KLF16: variants seen among roughly 807,000 people sequenced by gnomAD.
KLF16 encodes Krueppel-like factor 16.
A neutral mutation model predicts 6.1 loss-of-function variants in KLF16; 6 were observed. That is an observed-to-expected ratio of 0.98 (90% CI 0.54 to 1.93). The LOEUF is 1.93. KLF16 is among the 30% of genes most tolerant of loss of function. KLF16 has a pLI of 0.01. For missense variants in KLF16, 355 were observed against 363.8 expected (o/e 0.98, Z 0.20); for synonymous variants, 211 against 176.5 (o/e 1.20, Z -1.55).
upstream of KLF16, among the ~76,000 whole-genome samples, chr19:1,864,982 C>T (rs938690690): frequency 2.6e-5 from 4 of 152,350 alleles, no homozygotes; most frequent in East Asian, 3.9e-4. Flanking sequence ...GAGGCCCTGA[C>T]CCGATTCGGG....
upstream of KLF16, among the ~76,000 whole-genome samples, chr19:1,863,861 A>C (rs1310694516): frequency 7.0e-6 from 1 of 142,230 alleles, no homozygotes; most frequent in Admixed American, 6.9e-5. Context: ...GCCAGCGCCT[A>C]GCGTCTTAGG....
At chr19:1,875,765 G>C in the KLF16 span, 3 of 152,596 alleles carry the variant, frequency 2.0e-5, no homozygotes, top group African/African-American at 7.2e-5. Context: ...AGGCTCTTCG[G>C]GAGGCATGAA....
At chr19:1,866,481 G>A (rs2012190222), upstream of KLF16, among the ~76,000 whole-genome samples, 2 of 152,060 alleles carry the variant, frequency 1.3e-5, no homozygotes, top group South Asian at 2.1e-4. Context: ...GGGCCTGGTG[G>A]CGCATGCCTG....
At chr19:1,866,561 C>A (rs567355326), upstream of KLF16, among the ~76,000 whole-genome samples, 1 of 152,044 alleles carries the variant, frequency 6.6e-6, no homozygotes, top group Non-Finnish European at 1.5e-5. Flanking sequence ...TTGCAGTGAG[C>A]CGAGATCGTG....
intron 1 of KLF16, among the ~76,000 whole-genome samples, chr19:1,862,294 G>A (rs1306044554): frequency 6.6e-6 from 1 of 152,184 alleles, no homozygotes; most frequent in African/African-American, 2.4e-5. Context: ...GCGCTAGGAG[G>A]GGCGTTGGTG....
At chr19:1,870,395 G>A in the KLF16 span, among the ~76,000 whole-genome samples, 1 of 152,152 alleles carries the variant, frequency 6.6e-6, no homozygotes, top group African/African-American at 2.4e-5. Flanking sequence ...CTAAGGGCCA[G>A]GGATGGTGGC....
chr19:1,856,953 G>GGGC (rs1309626798), intron 1 of KLF16, among the ~76,000 whole-genome samples: 1 of 130,316 alleles, frequency 7.7e-6, no homozygotes, highest in South Asian at 2.5e-4. Flanking sequence ...AGGTTGCCGG[G>GGGC]GTGGGGGGGG....
At chr19:1,860,657 A>G (rs1375021333) in intron 1 of KLF16, among the ~76,000 whole-genome samples, 1 of 152,080 alleles carries the variant, frequency 6.6e-6, no homozygotes, top group Non-Finnish European at 1.5e-5. Flanking sequence ...ACAGCCCTGC[A>G]ATGGGGCTCC....
At chr19:1,874,354 A>T in the KLF16 span, among the ~76,000 whole-genome samples, 1 of 152,188 alleles carries the variant, frequency 6.6e-6, no homozygotes, top group Non-Finnish European at 1.5e-5. Flanking sequence ...TGCCATAAAG[A>T]CAGCACTTCA....
chr19:1,866,333 A>T (rs2012187974), upstream of KLF16, among the ~76,000 whole-genome samples: 2 of 133,742 alleles, frequency 1.5e-5, 1 homozygote, highest in Non-Finnish European at 3.2e-5. Context: ...GCTGGAGGCC[A>T]GTCATGGTGG....
In KLF16 at chr19:1,854,685, TG is replaced by T. The variant is rs1458855520; in HGVS notation, c.532del (p.His178ThrfsTer111). On this transcript the variant is annotated frameshift_variant, in exon 2 of 2. Coordinates refer to ENST00000250916, the MANE Select transcript of KLF16 (RefSeq NM_031918.4). LOFTEE classifies it low-confidence loss of function (END_TRUNC). ...GCGCTTCTCGCCCGTGTGCGTCCGG[TG>T]GTGGCGGGCCAGCTCGTCGGAGCGG... ...FARSDELARH[H>X]RTHTGEKRFS... 1 of 1,600,244 alleles carries T rather than the reference TG, an allele frequency of 6.2e-7. No homozygotes were observed. Among genetic ancestry groups the T allele is most frequent in the Non-Finnish European group, 8.5e-7 (1 of 1,179,582 alleles).
At chr19:1,858,983 C>A (rs1032683383) in intron 1 of KLF16, among the ~76,000 whole-genome samples, 3 of 152,114 alleles carry the variant, frequency 2.0e-5, no homozygotes, top group African/African-American at 7.2e-5. Flanking sequence ...CCTCCCCATC[C>A]CACTAGCTGG....
In KLF16 at chr19:1,863,227, G is replaced by C. The variant is rs2012108938; in HGVS notation, c.271C>G (p.Pro91Ala). The C allele has an allele frequency of 6.4e-6, 7 of 1,100,138 alleles. No homozygotes were observed. In the South Asian group the frequency reaches 3.0e-4, roughly 47 times the overall value. The allele number at this position is 1,100,138 out of a possible 1,614,324, so 68.1% of individuals were successfully genotyped here. A position where few individuals can be genotyped will look rare whatever the true frequency, so the allele number is the denominator to read the frequency against. The change falls in exon 1 of 2, where the codon CCC becomes GCC. Residue 91 changes from proline (P) to alanine (A), a missense_variant. Coordinates refer to ENST00000250916, the MANE Select transcript of KLF16 (RefSeq NM_031918.4). ...ASILADLRGGPGAAPGGASPA... is the reference protein window; with the variant it reads ...ASILADLRGGAGAAPGGASPA... Reference sequence around the variant, plus strand: ...GAGGCGCCCCCCGGGGCGGCTCCGGGTCCGCCGCGCAGGTCGGCCAGGATG... The same window carrying C: ...GAGGCGCCCCCCGGGGCGGCTCCGGCTCCGCCGCGCAGGTCGGCCAGGATG...
the KLF16 span, among the ~76,000 whole-genome samples, chr19:1,873,711 G>A: frequency 6.6e-6 from 1 of 152,262 alleles, no homozygotes; most frequent in Non-Finnish European, 1.5e-5. Flanking sequence ...TGGGGAGAGC[G>A]CGCGTCCTGG....
chr19:1,854,149 G>T lies in KLF16; in HGVS notation c.*310C>A. The T allele has an allele frequency of 3.1e-6, 1 of 324,164 alleles. No individual in the cohort carries two copies. The allele number at this position is 324,164 out of a possible 1,614,324, so 20.1% of individuals were successfully genotyped here. ...CAAACCCCACCCCGGGAGGGGGGCA[G>T]CAGGGGGTGGTGGAGAGGAGAGGGG... is the stretch of plus-strand genomic sequence containing the variant. On this transcript the variant is annotated 3_prime_UTR_variant, in exon 2 of 2. Coordinates refer to ENST00000250916, the MANE Select transcript of KLF16 (RefSeq NM_031918.4).
At chr19:1,859,793 C>G (rs1333792577) in intron 1 of KLF16, among the ~76,000 whole-genome samples, 1 of 152,196 alleles carries the variant, frequency 6.6e-6, no homozygotes, top group Non-Finnish European at 1.5e-5. Context: ...CAGGGGACTT[C>G]AGAGTGGGAT....
intron 1 of KLF16, among the ~76,000 whole-genome samples, chr19:1,858,522 G>A (rs1171169918): frequency 6.6e-6 from 1 of 152,182 alleles, no homozygotes; most frequent in African/African-American, 2.4e-5. Context: ...TGGGTCCCCG[G>A]CAATGCCCAG....
At chr19:1,875,557 A>C in the KLF16 span, 1 of 152,226 alleles carries the variant, frequency 6.6e-6, no homozygotes, top group Non-Finnish European at 1.5e-5. Flanking sequence ...AGGCTCCTTG[A>C]ATTTTCTACT....
In KLF16 at chr19:1,863,372, A is replaced by G; in HGVS notation, c.126T>C (p.Asp42=). 1 of 978,810 alleles carries G rather than the reference A, an allele frequency of 1.0e-6. No individual in the cohort carries two copies. The highest frequency in any genetic ancestry group is 1.2e-6 in the Non-Finnish European group (1 of 827,970). 60.6% of individuals were successfully genotyped at this position (978,810 alleles called of 1,614,324 possible). The change falls in exon 1 of 2, where the codon GAT becomes GAC. Residue 42 remains aspartate, a synonymous_variant. Transcript: ENST00000250916. ...PEGAGPAAGL[D]VRAARREAAS... The stretch of plus-strand genomic sequence containing the variant: ...CGGCCTCGCGGCGCGCCGCGCGCAC[A>G]TCCAGGCCGGCGGCGGGGCCCGCGC...
Sources: allele counts gnomAD v4.1 joint callset (sites outside exome capture counted in the v4.1 genomes callset), GRCh38; gene constraint gnomAD v4.1.1; transcripts MANE v1.5; gene names NCBI Gene and HGNC (gene_info 2026-07-23, HGNC 2026-07-21).